Variants in CUX1 observed in about 807,000 individuals in gnomAD.
CUX1 encodes the protein protein CASP.
A neutral mutation model predicts 158.8 loss-of-function variants in CUX1; 31 were observed. The ratio of observed to expected loss-of-function variants is 0.20; its 90% CI spans 0.15 to 0.26. The LOEUF (loss-of-function observed/expected upper bound fraction) is 0.26, where lower values mean the gene tolerates loss of function less well. Among genes scored for constraint, CUX1 ranks in the 10% least tolerant of loss-of-function variants. The pLI, the probability that CUX1 is intolerant of heterozygous loss-of-function variation, is 1.00. For missense variants in CUX1, 1,589 were observed against 2,014.6 expected (o/e 0.79, Z 4.04); for synonymous variants, 879 against 862.1 (o/e 1.02, Z -0.34).
At chr7:102,012,091 T>C (rs1818103034) in intron 2 of CUX1, among the ~76,000 whole-genome samples, 2 of 152,218 alleles carry the variant, frequency 1.3e-5, no homozygotes, top group South Asian at 4.1e-4. Flanking sequence ...TTTGAAAGGG[T>C]ATTCTAAAAT....
chr7:102,283,210 A>G lies in CUX1; in HGVS notation c.*120A>G, dbSNP rs1792245879. 4 of 817,272 alleles carry G rather than the reference A, an allele frequency of 4.9e-6. No individual in the cohort carries two copies. The East Asian group carries it at 1.1e-4, about 22-fold the overall frequency. The allele number at this position is 817,272 out of a possible 1,614,324, so 50.6% of individuals were successfully genotyped here. The stretch of plus-strand genomic sequence containing the variant: ...TGGAAACTGCCCTTATCCGCTGTCC[A>G]GCAGCTGCCAGAGGCCCCAGGTCAC... On this transcript the variant is annotated 3_prime_UTR_variant, in exon 23 of 23. Transcript: ENST00000292538.
intron 21 of CUX1, among the ~76,000 whole-genome samples, chr7:102,230,330 A>T (rs113401399): frequency 0.095 from 14,354 of 151,572 alleles, 1,140 homozygotes; most frequent in African/African-American, 0.21. Flanking sequence ...AAATTTTTTA[A>T]AAATTATTAT....
intron 2 of CUX1, among the ~76,000 whole-genome samples, chr7:102,008,021 A>G (rs1817581089): frequency 6.6e-6 from 1 of 152,144 alleles, no homozygotes; most frequent in Admixed American, 6.5e-5. Context: ...CTGGGATTAC[A>G]GGCACCACTT....
chr7:102,267,832 A>C (rs115472321), intron 14 of CUX1, among the ~76,000 whole-genome samples: 2,625 of 152,128 alleles, frequency 0.017, 70 homozygotes, highest in African/African-American at 0.06. Context: ...ATGCCCGGCT[A>C]AGTTTTGTAT....
At chr7:101,848,999 G>A (rs1353730578) in intron 1 of CUX1, among the ~76,000 whole-genome samples, 1 of 151,906 alleles carries the variant, frequency 6.6e-6, no homozygotes, top group Admixed American at 6.6e-5. Flanking sequence ...GTTGGGCCCC[G>A]GGTTTTGTTT....
At position 102,255,171 on chromosome 7, in the gene CUX1, G is replaced by A; in HGVS notation, c.*6129G>A. 1.0e-6 allele frequency: 1 copy of A among 985,466 alleles called. No homozygotes were observed. The highest frequency in any genetic ancestry group is 1.2e-6 in the Non-Finnish European group (1 of 829,976). 61.0% of individuals were successfully genotyped at this position (985,466 alleles called of 1,614,324 possible). On this transcript the variant is annotated 3_prime_UTR_variant, in exon 24 of 24. Coordinates refer to ENST00000292535, the MANE Select transcript of CUX1 (RefSeq NM_181552.4). ...ATAGAAGGAAATGCAATTTCCGCCT[G>A]TCTGCCCGACTTCCAAAAACTGCCT...
chr7:102,071,499 A>C (rs2130597080), intron 4 of CUX1, among the ~76,000 whole-genome samples: 1 of 152,284 alleles, frequency 6.6e-6, no homozygotes, highest in African/African-American at 2.4e-5. Flanking sequence ...AAATTAGGAA[A>C]GTCACTTGAT....
chr7:101,996,864 C>T (rs1352272668), intron 2 of CUX1, among the ~76,000 whole-genome samples: 6 of 152,078 alleles, frequency 3.9e-5, no homozygotes, highest in Non-Finnish European at 7.4e-5. Context: ...CACCCTGCGT[C>T]TGCCCATGGA....
intron 3 of CUX1, among the ~76,000 whole-genome samples, chr7:102,052,058 G>A (rs1225498842): frequency 2.0e-5 from 3 of 151,968 alleles, no homozygotes; most frequent in Admixed American, 6.6e-5. Context: ...CTAAAAAAAC[G>A]AAGTACAAAA....
intron 17 of CUX1, among the ~76,000 whole-genome samples, chr7:102,200,798 TG>T (rs1554519420): frequency 6.6e-6 from 1 of 151,394 alleles, no homozygotes; most frequent in Admixed American, 6.6e-5. Flanking sequence ...GGGAAGCTGA[TG>T]GGGGAGGATG....
intron 1 of CUX1, among the ~76,000 whole-genome samples, chr7:101,839,400 C>T (rs1417077962): frequency 1.3e-5 from 2 of 152,168 alleles, no homozygotes; most frequent in Non-Finnish European, 2.9e-5. Context: ...GATAGTGGTC[C>T]TTCTTTCACG....
chr7:102,162,072 C>T (rs1790488516), intron 9 of CUX1, among the ~76,000 whole-genome samples: 1 of 151,752 alleles, frequency 6.6e-6, no homozygotes, highest in Non-Finnish European at 1.5e-5. Flanking sequence ...GACGGCAGCA[C>T]CACTGGACAG....
In CUX1 at chr7:102,256,737, A is replaced by G; in HGVS notation, c.*7695A>G. 3.0e-6 allele frequency: 3 copies of G among 985,386 alleles called. No individual in the cohort carries two copies. Among genetic ancestry groups the G allele is most frequent in the Non-Finnish European group, 3.6e-6 (3 of 829,930 alleles). 61.0% of individuals were successfully genotyped at this position (985,386 alleles called of 1,614,324 possible). A position where few individuals can be genotyped will look rare whatever the true frequency, so the allele number is the denominator to read the frequency against. The stretch of plus-strand genomic sequence containing the variant: ...AAAGCCTCCTAGAGCCTCTGGTAAG[A>G]CTTCTGGGTTCATGAAGTTTCGGCG... On this transcript the variant is annotated 3_prime_UTR_variant, in exon 24 of 24. Transcript: ENST00000292535.
chr7:101,973,437 CAG>C (rs1276302769), intron 2 of CUX1, among the ~76,000 whole-genome samples: 2 of 152,200 alleles, frequency 1.3e-5, no homozygotes, highest in African/African-American at 2.4e-5. Context: ...AGTCTGCTGA[CAG>C]GGGAATTGGA....
At position 102,021,386 on chromosome 7, in the gene CUX1, G is replaced by A. The variant is rs565227474; in HGVS notation, c.142-6712G>A. 1.6e-4 allele frequency among the ~76,000 whole-genome samples: 25 copies of A among 152,112 alleles called. 1 individual carries two copies. In the South Asian group the frequency reaches 5.2e-3, roughly 32 times the overall value. On this transcript the variant is annotated intron_variant, in intron 2 of 23. Coordinates refer to ENST00000292535, the MANE Select transcript of CUX1 (RefSeq NM_181552.4). Reference sequence around the variant, plus strand: ...TACAGTGGCACAGTCATAGCTCACTGCCATCCCAAACTCCTAGGCTCAAGC... The same window carrying A: ...TACAGTGGCACAGTCATAGCTCACTACCATCCCAAACTCCTAGGCTCAAGC...
chr7:102,090,089 T>A (rs1201198054), intron 4 of CUX1, among the ~76,000 whole-genome samples: 3 of 152,228 alleles, frequency 2.0e-5, no homozygotes, highest in African/African-American at 4.8e-5. Flanking sequence ...CTCCAAGTTC[T>A]GTTAATTTTG....
intron 21 of CUX1, 107 bp from the exon 22 acceptor site, chr7:102,233,945 C>G (rs1799273723): frequency 1.7e-5 from 15 of 881,608 alleles, no homozygotes; most frequent in Non-Finnish European, 2.4e-5. Flanking sequence ...CAGCCCAACC[C>G]TGAGCCTTTA....
intron 23 of CUX1, among the ~76,000 whole-genome samples, chr7:102,244,711 C>T (rs992984902): frequency 1.3e-5 from 2 of 152,036 alleles, no homozygotes; most frequent in Non-Finnish European, 2.9e-5. Flanking sequence ...AAACATATCT[C>T]AGGCTGACCA....
In CUX1 at chr7:101,939,078, T is replaced by C. The variant is rs1397970928; in HGVS notation, c.141+22853T>C. Among the ~76,000 whole-genome samples the C allele has an allele frequency of 2.1e-3, 41 of 19,150 alleles. 1 individual carries two copies. Among genetic ancestry groups the C allele is most frequent in the Non-Finnish European group, 4.2e-3 (25 of 5,892 alleles). 12.6% of individuals were successfully genotyped at this position (19,150 alleles called of 152,430 possible). A position where few individuals can be genotyped will look rare whatever the true frequency, so the allele number is the denominator to read the frequency against. On this transcript the variant is annotated intron_variant, in intron 2 of 23. Coordinates refer to ENST00000292535, the MANE Select transcript of CUX1 (RefSeq NM_181552.4). The stretch of plus-strand genomic sequence containing the variant: ...AAATACATATATATATATATATATA[T>C]ATATATATATATATATATATATATA...
Sources: gnomAD v4.1 joint callset for allele counts (sites outside exome capture counted in the v4.1 genomes callset) on GRCh38, gnomAD v4.1.1 for gene constraint, MANE v1.5 for transcripts, NCBI Gene and HGNC (gene_info 2026-07-23, HGNC 2026-07-21) for gene names.